The following SH2D4B variants were observed in gnomAD, a reference collection of about 807,000 sequenced individuals.
The protein encoded by SH2D4B is SH2 domain-containing protein 4B.
Under a neutral mutation model 61.5 loss-of-function variants are expected in SH2D4B, and 45 were observed. The observed-to-expected ratio is 0.73, with a 90% CI of 0.58 to 0.94. SH2D4B has a LOEUF of 0.94. SH2D4B is among the 40% of genes least tolerant of loss of function. The pLI is 0.00. For synonymous variants in SH2D4B, 224 were observed against 220.4 expected (o/e 1.02, Z -0.14); for missense variants, 572 against 574.2 (o/e 1.00, Z 0.04).
chr10:80,545,588 T>A (rs1258627266), intron 1 of SH2D4B, among the ~76,000 whole-genome samples: 3 of 152,114 alleles, frequency 2.0e-5, no homozygotes, highest in African/African-American at 7.2e-5. Context: ...TGTTTGCTTG[T>A]TTACGGTCCA....
At chr10:80,571,674 G>A (rs1275473649) in intron 3 of SH2D4B, 96 bp downstream of exon 3, 2 of 1,439,196 alleles carry the variant, frequency 1.4e-6, no homozygotes, top group African/African-American at 2.8e-5. Context: ...TTGGCCATTG[G>A]TTGGTACTGG....
chr10:80,640,867 G>A (rs1471320784), intron 7 of SH2D4B, among the ~76,000 whole-genome samples: 1 of 152,194 alleles, frequency 6.6e-6, no homozygotes, highest in Admixed American at 6.5e-5. Flanking sequence ...GAGGAGAAGA[G>A]GCGCTCTGGT....
intron 6 of SH2D4B, among the ~76,000 whole-genome samples, chr10:80,629,035 AAAAAAAG>A (rs1842798564): frequency 6.6e-6 from 1 of 150,464 alleles, no homozygotes. Flanking sequence ...ATCTCAAAAA[AAAAAAAG>A]AAAAAGAAAA....
intron 3 of SH2D4B, among the ~76,000 whole-genome samples, chr10:80,587,463 G>A (rs1842273430): frequency 6.6e-6 from 1 of 152,112 alleles, no homozygotes; most frequent in Admixed American, 6.5e-5. Context: ...ATTTTTAGTA[G>A]AGACGGGGTT....
At chr10:80,587,318 T>C (rs1396311666) in intron 3 of SH2D4B, among the ~76,000 whole-genome samples, 1 of 151,888 alleles carries the variant, frequency 6.6e-6, no homozygotes, top group African/African-American at 2.4e-5. Context: ...TTTGCTCTTG[T>C]TGCCCAGGGT....
In SH2D4B at chr10:80,609,558, C is replaced by A; in HGVS notation, c.988+7C>A. On this transcript the variant is annotated splice_region_variant and intron_variant, in intron 6 of 7. Transcript: ENST00000646907. ...ATCGCCCCCTGGTTCCATGGTAGCA[C>A]CATTTTTCTGGGCCCTGTGCCAGAT... 6.2e-7 allele frequency: 1 copy of A among 1,613,738 alleles called. No individual in the cohort carries two copies. The highest frequency in any genetic ancestry group is 8.5e-7 in the Non-Finnish European group (1 of 1,179,630).
intron 3 of SH2D4B, among the ~76,000 whole-genome samples, chr10:80,578,803 C>T (rs1842154846): frequency 6.6e-6 from 1 of 152,050 alleles, no homozygotes; most frequent in African/African-American, 2.4e-5. Context: ...GAGATTTTTG[C>T]AATGGTCAAG....
chr10:80,624,670 C>T (rs899944000), intron 6 of SH2D4B, among the ~76,000 whole-genome samples: 3 of 152,156 alleles, frequency 2.0e-5, no homozygotes, highest in African/African-American at 4.8e-5. Context: ...TAACCAAACT[C>T]GCTCTAAGTG....
chr10:80,553,800 C>T (rs1316068964), intron 1 of SH2D4B, among the ~76,000 whole-genome samples: 1 of 152,196 alleles, frequency 6.6e-6, no homozygotes, highest in African/African-American at 2.4e-5. Flanking sequence ...AGCCCCTGTG[C>T]CCACAGAGTG....
intron 5 of SH2D4B, among the ~76,000 whole-genome samples, chr10:80,605,165 C>CTT (rs34324568): frequency 1.1e-3 from 158 of 149,362 alleles, no homozygotes; most frequent in African/African-American, 2.7e-3. Flanking sequence ...TATTCCTCCT[C>CTT]TTTTTTTTTT....
intron 4 of SH2D4B, 65 bp from the exon 5 acceptor site, chr10:80,603,514 C>G: frequency 1.4e-5 from 20 of 1,397,520 alleles, no homozygotes; most frequent in Non-Finnish European, 1.9e-5. Context: ...ACTTCCTGTC[C>G]CAGCTGGCGC....
At chr10:80,601,181 A>G (rs12355510) in intron 4 of SH2D4B, among the ~76,000 whole-genome samples, 17,668 of 152,192 alleles carry the variant, frequency 0.12, 1,201 homozygotes, top group East Asian at 0.25. Context: ...CTGAAACCTC[A>G]GTTTTCTCTC....
At chr10:80,615,497 G>A (rs1436738786) in intron 6 of SH2D4B, among the ~76,000 whole-genome samples, 1 of 152,110 alleles carries the variant, frequency 6.6e-6, no homozygotes, top group East Asian at 1.9e-4. Context: ...TTTTAGGCTC[G>A]GCCTGGGTTC....
intron 4 of SH2D4B, among the ~76,000 whole-genome samples, chr10:80,596,332 C>T (rs1213730191): frequency 6.6e-6 from 1 of 152,218 alleles, no homozygotes; most frequent in Non-Finnish European, 1.5e-5. Flanking sequence ...CATCTGAATG[C>T]CCCAAACCCT....
intron 4 of SH2D4B, 130 bp from the exon 5 acceptor site, chr10:80,603,449 A>G: frequency 1.2e-6 from 1 of 824,614 alleles, no homozygotes; most frequent in Non-Finnish European, 1.9e-6. Flanking sequence ...GGTTGGTGCA[A>G]AAGTCATCGC....
At chr10:80,550,399 C>T (rs1461717004) in intron 1 of SH2D4B, among the ~76,000 whole-genome samples, 1 of 152,132 alleles carries the variant, frequency 6.6e-6, no homozygotes, top group Non-Finnish European at 1.5e-5. Flanking sequence ...CGAGACCATC[C>T]TGGCTAACAT....
rs576358412 is a variant in SH2D4B, at chr10:80,609,886, C to A, written c.988+335C>A. On this transcript the variant is annotated intron_variant, in intron 6 of 7. Transcript: ENST00000646907. The stretch of plus-strand genomic sequence containing the variant: ...TTGCATGAGCTGCTGGTGGCTAGGA[C>A]CCCCATCCCTGGATCCTGGCCACAG... Among the ~76,000 whole-genome samples, 4 of 152,270 alleles carry A rather than the reference C, an allele frequency of 2.6e-5. No individual in the cohort carries two copies. The East Asian group carries it at 5.8e-4, about 22-fold the overall frequency.
At chr10:80,609,320 T>C in intron 5 of SH2D4B, 104 bp from the exon 6 acceptor site, 1 of 963,244 alleles carries the variant, frequency 1.0e-6, no homozygotes, top group Non-Finnish European at 1.4e-6. Context: ...TCCTCCTCCT[T>C]TTACCTTCCT....
At chr10:80,615,567 T>G (rs1037931220) in intron 6 of SH2D4B, among the ~76,000 whole-genome samples, 5 of 152,178 alleles carry the variant, frequency 3.3e-5, no homozygotes, top group Middle Eastern at 3.4e-3. Flanking sequence ...TGGCACTGGT[T>G]TCCTGACCCA....
Sources: allele counts gnomAD v4.1 joint callset (sites outside exome capture counted in the v4.1 genomes callset), GRCh38; gene constraint gnomAD v4.1.1; transcripts MANE v1.5; gene names NCBI Gene and HGNC (gene_info 2026-07-23, HGNC 2026-07-21).